The following PAXBP1 variants were observed in gnomAD, a reference collection of about 807,000 sequenced individuals.
The protein encoded by PAXBP1 is PAX3- and PAX7-binding protein 1.
In PAXBP1, 44 loss-of-function variants were observed where a neutral mutation model predicts 119.9. The observed-to-expected ratio is 0.37, with a 90% CI of 0.29 to 0.47. The LOEUF is 0.47. Among genes scored for constraint, PAXBP1 ranks in the 20% least tolerant of loss-of-function variants. The probability of loss-of-function intolerance (pLI) is 0.99; values close to 1 mark genes in which losing one functional copy is unlikely to be tolerated. For synonymous variants in PAXBP1, 393 were observed against 406.6 expected, an observed-to-expected ratio of 0.97 and a Z score of 0.40; for missense variants, 898 against 1,134.1, an observed-to-expected ratio of 0.79 and a Z score of 2.99.
Position 32,759,759 on chromosome 21 carries a change from G to GA in PAXBP1, c.1193+17dup. 6.3e-7 allele frequency: 1 copy of GA among 1,595,334 alleles called. No individual in the cohort carries two copies. Among genetic ancestry groups the GA allele is most frequent in the Non-Finnish European group, 8.6e-7 (1 of 1,163,798 alleles). On this transcript the variant is annotated intron_variant, in intron 6 of 17. Transcript: ENST00000331923. ...AGAAAGCTAGCGGACAGGTCTTTAA[G>GA]AAGTTGATCTGCCCTACCTGTCTTT...
intron 3 of PAXBP1, among the ~76,000 whole-genome samples, chr21:32,763,605 A>T (rs2044187529): frequency 6.6e-6 from 1 of 152,238 alleles, no homozygotes; most frequent in African/African-American, 2.4e-5. Flanking sequence ...GCTACTAAGC[A>T]CTTATTTATT....
chr21:32,756,163 C>T (rs893636314), intron 7 of PAXBP1: 19 of 384,054 alleles, frequency 4.9e-5, no homozygotes, highest in Non-Finnish European at 6.1e-5. Flanking sequence ...TGAGAGCTAA[C>T]TTAAAACAGA....
At position 32,748,562 on chromosome 21, in the gene PAXBP1, A is replaced by C. The variant is rs1396262298; in HGVS notation, c.1860T>G (p.Leu620=). The change falls in exon 11 of 18, where the codon CTT becomes CTG. Residue 620 remains leucine (L), a synonymous_variant. Transcript: ENST00000331923. ...YTSYKDAYIG[L]CLPKLFNPLI... Reference sequence around the variant, plus strand: ...GGGGGTTGAATAATTTTGGCAAACAAAGGCCAATGTAAGCATCTTTGTAGG... The same window carrying C: ...GGGGGTTGAATAATTTTGGCAAACACAGGCCAATGTAAGCATCTTTGTAGG... 6.2e-7 allele frequency: 1 copy of C among 1,614,064 alleles called. No individual in the cohort carries two copies. Among genetic ancestry groups the C allele is most frequent in the Non-Finnish European group, 8.5e-7 (1 of 1,179,952 alleles).
rs929532142 is a variant in PAXBP1, at chr21:32,771,336, G to T, written c.333C>A (p.Asp111Glu). 1 of 1,583,238 alleles carries T rather than the reference G, an allele frequency of 6.3e-7. No homozygotes were observed. The highest frequency in any genetic ancestry group is 8.5e-7 in the Non-Finnish European group (1 of 1,172,344). Reference protein sequence around the residue: ...VPRASLLSFQDEEEENEEVFK... With the variant: ...VPRASLLSFQEEEEENEEVFK... Reference sequence around the variant, plus strand: ...AAGCGCGCACTTTACCTTCCTCCTCGTCCTGGAAGCTGAGCAGGCTGGCCC... The same window carrying T: ...AAGCGCGCACTTTACCTTCCTCCTCTTCCTGGAAGCTGAGCAGGCTGGCCC... The change falls in exon 1 of 18, where the codon GAC becomes GAA. Residue 111 changes from aspartate to glutamate, a missense_variant. Transcript: ENST00000331923.
In PAXBP1 at chr21:32,748,633, A is replaced by G; in HGVS notation, c.1789T>C (p.Cys597Arg). ...DVLESFYSIDCIKSQFEAWRS... is the reference protein window; with the variant it reads ...DVLESFYSIDRIKSQFEAWRS... ...CATGCTTCAAACTGTGATTTAATACAGTCAATTGAATAGAAACTTTCAAGG... is the reference window on the plus strand; with the variant it reads ...CATGCTTCAAACTGTGATTTAATACGGTCAATTGAATAGAAACTTTCAAGG... Residue 597 changes from cysteine to arginine, a missense_variant, in exon 11 of 18, where the codon TGT (cysteine) becomes CGT (arginine). Transcript: ENST00000331923. 1 of 1,613,824 alleles carries G rather than the reference A, an allele frequency of 6.2e-7. No homozygotes were observed. The highest frequency in any genetic ancestry group is 8.5e-7 in the Non-Finnish European group (1 of 1,179,794).
chr21:32,764,451 A>C lies in PAXBP1; in HGVS notation c.546T>G (p.His182Gln). Residue 182 changes from histidine to glutamine, a missense_variant, in exon 3 of 18, where the codon CAT becomes CAG. Around this residue, in one of 2 missense-constraint regions of PAXBP1, gnomAD observed 299 missense variants for 281.4 expected, o/e 1.06. Transcript: ENST00000331923. The stretch of plus-strand genomic sequence containing the variant: ...TTTCCATATCCATTTCATCTTCACC[A>C]TGTTCACTGATGATAACTCCATCTT... The part of the protein sequence containing the change: ...NQEDGVIISE[H>Q]GEDEMDMESE... 1 of 1,613,744 alleles carries C rather than the reference A, an allele frequency of 6.2e-7. No individual in the cohort carries two copies. The highest frequency in any genetic ancestry group is 8.5e-7 in the Non-Finnish European group (1 of 1,179,818).
In PAXBP1 at chr21:32,738,369, A is replaced by G. The variant is rs377136848; in HGVS notation, c.2335-50T>C. The G allele has an allele frequency of 5.5e-6, 8 of 1,455,588 alleles. No individual in the cohort carries two copies. In the African/African-American group the frequency reaches 1.2e-4, roughly 21 times the overall value. The allele number at this position is 1,455,588 out of a possible 1,614,324, so 90.2% of individuals were successfully genotyped here. ...AATGTGAAACAATTAGATTAGGTACAAAGTAAATAAGTTACATAGTAAAAC... is the reference window on the plus strand; with the variant it reads ...AATGTGAAACAATTAGATTAGGTACGAAGTAAATAAGTTACATAGTAAAAC... On this transcript the variant is annotated intron_variant, in intron 15 of 17. Transcript: ENST00000331923.
rs1175775718 is a variant in PAXBP1, at chr21:32,760,902, C to CGT, written c.975+155_975+156dup. Among the ~76,000 whole-genome samples the CGT allele has an allele frequency of 2.4e-3, 312 of 127,784 alleles. 2 individuals are homozygous for CGT. The highest frequency in any genetic ancestry group is 7.6e-3 in the African/African-American group (263 of 34,456). The allele number at this position is 127,784 out of a possible 152,430, so 83.8% of individuals were successfully genotyped here. A position where few individuals can be genotyped will look rare whatever the true frequency, so the allele number is the denominator to read the frequency against. On this transcript the variant is annotated intron_variant, in intron 5 of 17. Transcript: ENST00000331923. ...CTACGTGTCTCTGTGTGCGTGCGTG[C>CGT]GTGTGTGTGTGTGTGTGTGTGTGTG...
At position 32,761,109 on chromosome 21, in the gene PAXBP1, G is replaced by A. The variant is rs1407618376; in HGVS notation, c.925C>T (p.Leu309Phe). ...ALVTGEQDEE[L>F]SRWEQEQIRK... ...ATCTGCTCCTGTTCCCATCGGCTGA[G>A]CTCTTCATCCTGTTCTCCAGTTACT... Residue 309 changes from leucine to phenylalanine, a missense_variant, in exon 5 of 18, where the codon CTC becomes TTC. Leu to Phe is a conservative substitution (Grantham distance 22). Transcript: ENST00000331923. The A allele has an allele frequency of 6.2e-7, 1 of 1,613,926 alleles. No homozygotes were observed. The highest frequency in any genetic ancestry group is 1.3e-5 in the African/African-American group (1 of 74,974).
At chr21:32,738,731 T>C (rs950809350) in intron 15 of PAXBP1, among the ~76,000 whole-genome samples, 1 of 152,098 alleles carries the variant, frequency 6.6e-6, no homozygotes, top group Non-Finnish European at 1.5e-5. Flanking sequence ...ATGGCTACCA[T>C]GTATCATGAA....
chr21:32,750,890 A>C (rs1472431555), intron 10 of PAXBP1, 27 bp downstream of exon 10: 9 of 1,521,962 alleles, frequency 5.9e-6, no homozygotes, highest in Non-Finnish European at 8.1e-6. Context: ...ACTGATGATG[A>C]GTCTTATTTC....
Position 32,771,329 on chromosome 21 carries a change from C to T in PAXBP1, c.340G>A (p.Glu114Lys). 1 of 1,582,382 alleles carries T rather than the reference C, an allele frequency of 6.3e-7. No individual in the cohort carries two copies. Among genetic ancestry groups the T allele is most frequent in the Non-Finnish European group, 8.5e-7 (1 of 1,171,988 alleles). Reference protein sequence around the residue: ...ASLLSFQDEEEENEEVFKVKK... With the variant: ...ASLLSFQDEEKENEEVFKVKK... ...GCGTCCGAAGCGCGCACTTTACCTT[C>T]CTCCTCGTCCTGGAAGCTGAGCAGG... Residue 114 changes from glutamate (E) to lysine (K), a missense_variant, in exon 1 of 18, where the codon GAA (glutamate) becomes AAA (lysine). Glu to Lys is a moderately conservative substitution (Grantham distance 56). This residue lies in a region of PAXBP1 where 299 missense variants were observed against 281.4 expected (regional missense o/e 1.06). Transcript: ENST00000331923.
chr21:32,735,387 ACTT>A (rs1471653830), intron 17 of PAXBP1, among the ~76,000 whole-genome samples: 1 of 152,200 alleles, frequency 6.6e-6, no homozygotes, highest in Non-Finnish European at 1.5e-5. Context: ...TTTTCAAACT[ACTT>A]CAGAGGCCTG....
chr21:32,751,393 G>C, intron 8 of PAXBP1, 175 bp from the exon 9 acceptor site: 1 of 523,944 alleles, frequency 1.9e-6, no homozygotes, highest in Non-Finnish European at 3.4e-6. Context: ...ATTATTCTGC[G>C]TTCCCATTTT....
chr21:32,748,077 A>G lies in PAXBP1; in HGVS notation c.1923+422T>C, dbSNP rs927392670. The stretch of plus-strand genomic sequence containing the variant: ...GTTGGGATTACAAGCATGAGCCACC[A>G]TGCCTGGCCTATCAATTTTTCTCAC... On this transcript the variant is annotated intron_variant, in intron 11 of 17. Coordinates refer to ENST00000331923, the MANE Select transcript of PAXBP1 (RefSeq NM_016631.4). 6.6e-5 allele frequency among the ~76,000 whole-genome samples: 10 copies of G among 151,822 alleles called. 1 individual carries two copies.
Position 32,760,902 on chromosome 21 carries a change from C to CGTGTGT in PAXBP1, c.975+151_975+156dup, listed in dbSNP as rs1175775718. Among the ~76,000 whole-genome samples the CGTGTGT allele has an allele frequency of 2.8e-3, 357 of 127,784 alleles. 5 individuals are homozygous for CGTGTGT. The highest frequency in any genetic ancestry group is 8.5e-3 in the African/African-American group (293 of 34,458). 83.8% of individuals were successfully genotyped at this position (127,784 alleles called of 152,430 possible). A position where few individuals can be genotyped will look rare whatever the true frequency, so the allele number is the denominator to read the frequency against. On this transcript the variant is annotated intron_variant, in intron 5 of 17. Coordinates refer to ENST00000331923, the MANE Select transcript of PAXBP1 (RefSeq NM_016631.4). ...CTACGTGTCTCTGTGTGCGTGCGTG[C>CGTGTGT]GTGTGTGTGTGTGTGTGTGTGTGTG...
intron 8 of PAXBP1, among the ~76,000 whole-genome samples, chr21:32,753,247 A>G (rs2043985827): frequency 1.3e-5 from 2 of 152,000 alleles, no homozygotes; most frequent in South Asian, 2.1e-4. Context: ...TCACGAGGTC[A>G]GGAGTTCAAG....
At chr21:32,760,871 A>G (rs898653709) in intron 5 of PAXBP1, among the ~76,000 whole-genome samples, 188 bp downstream of exon 5, 1 of 150,700 alleles carries the variant, frequency 6.6e-6, no homozygotes, top group Non-Finnish European at 1.5e-5. Context: ...AGTTTCTTCT[A>G]AAAGCCTACG....
At chr21:32,764,848 G>GT (rs2044214272) in intron 2 of PAXBP1, among the ~76,000 whole-genome samples, 1 of 152,126 alleles carries the variant, frequency 6.6e-6, no homozygotes, top group African/African-American at 2.4e-5. Flanking sequence ...AAAATTAACT[G>GT]TTTTTTCTGC....
Sources: gnomAD v4.1 joint callset for allele counts (sites outside exome capture counted in the v4.1 genomes callset) on GRCh38, gnomAD v4.1.1 for gene constraint, gnomAD v4.1.1 regional missense constraint, MANE v1.5 for transcripts, NCBI Gene and HGNC (gene_info 2026-07-23, HGNC 2026-07-21) for gene names.